The following KIF16B variants were observed in gnomAD, a reference collection of about 807,000 sequenced individuals.
The protein encoded by KIF16B is kinesin-like protein KIF16B.
In KIF16B, 98 loss-of-function variants were observed where a neutral mutation model predicts 156.3. The ratio of observed to expected loss-of-function variants is 0.63; its 90% confidence interval spans 0.53 to 0.74. KIF16B has a LOEUF of 0.74. Ranked by LOEUF, KIF16B falls within the 30% of genes least tolerant of loss-of-function variation. The pLI, the probability that KIF16B is intolerant of heterozygous loss-of-function variation, is 0.00. For missense variants in KIF16B, 1,421 were observed against 1,606.5 expected, an observed-to-expected ratio of 0.88 and a Z score of 1.97; for synonymous variants, 564 against 583.7, an observed-to-expected ratio of 0.97 and a Z score of 0.49.
At chr20:16,442,815 G>A (rs1436702194) in intron 12 of KIF16B, among the ~76,000 whole-genome samples, 1 of 152,060 alleles carries the variant, frequency 6.6e-6, no homozygotes, top group African/African-American at 2.4e-5. Context: ...TATCAGAAGG[G>A]AATTTAGGAA....
At chr20:16,438,825 G>A (rs752522513) in intron 12 of KIF16B, among the ~76,000 whole-genome samples, 4 of 152,090 alleles carry the variant, frequency 2.6e-5, no homozygotes, top group Non-Finnish European at 5.9e-5. Context: ...AACAATACTG[G>A]TAGGCCAGTA....
chr20:16,510,820 A>C (rs2068935007), intron 6 of KIF16B, among the ~76,000 whole-genome samples: 1 of 152,252 alleles, frequency 6.6e-6, no homozygotes, highest in African/African-American at 2.4e-5. Context: ...CGATTCCTGC[A>C]GTCCAGCCAT....
At chr20:16,414,328 A>G (rs956946144) in intron 15 of KIF16B, among the ~76,000 whole-genome samples, 1 of 152,116 alleles carries the variant, frequency 6.6e-6, no homozygotes, top group African/African-American at 2.4e-5. Context: ...AATGACAGGC[A>G]CTCTGCAACA....
intron 12 of KIF16B, among the ~76,000 whole-genome samples, chr20:16,487,434 C>T (rs1482042146): frequency 3.9e-5 from 6 of 152,192 alleles, no homozygotes; most frequent in African/African-American, 1.2e-4. Flanking sequence ...TGAGCAACAG[C>T]CCCAGTTACG....
Position 16,440,531 on chromosome 20 carries a change from GCGCACACACACACA to G in KIF16B, c.1303-10563_1303-10550del, listed in dbSNP as rs1368016050. 7.2e-3 allele frequency among the ~76,000 whole-genome samples: 574 copies of G among 79,502 alleles called. 4 individuals carry two copies. Among genetic ancestry groups the G allele is most frequent in the African/African-American group, 0.027 (548 of 20,584 alleles). The allele number at this position is 79,502 out of a possible 152,430, so 52.2% of individuals were successfully genotyped here. A position where few individuals can be genotyped will look rare whatever the true frequency, so the allele number is the denominator to read the frequency against. On this transcript the variant is annotated intron_variant, in intron 12 of 25. Transcript: ENST00000354981. ...ACCTATGGTTAAAACACACAAGCGCGCGCACACACACACACACACACACACACACACACACACAC... is the reference window on the plus strand; with the variant it reads ...ACCTATGGTTAAAACACACAAGCGCGCACACACACACACACACACACACAC...
chr20:16,512,082 G>A (rs1177098717), intron 5 of KIF16B, among the ~76,000 whole-genome samples: 1 of 152,066 alleles, frequency 6.6e-6, no homozygotes, highest in African/African-American at 2.4e-5. Context: ...GGGAGGTGGA[G>A]GTTGCAATGA....
chr20:16,397,371 T>C (rs2065533420), intron 17 of KIF16B, among the ~76,000 whole-genome samples: 1 of 152,212 alleles, frequency 6.6e-6, no homozygotes, highest in Non-Finnish European at 1.5e-5. Context: ...CCAGAGAGTT[T>C]GAGGTGTGGG....
chr20:16,505,547 C>G (rs562541239), intron 9 of KIF16B, among the ~76,000 whole-genome samples, 175 bp downstream of exon 9: 1 of 152,162 alleles, frequency 6.6e-6, no homozygotes, highest in East Asian at 1.9e-4. Context: ...AATGATGATA[C>G]TATAGACTGG....
intron 13 of KIF16B, 98 bp from the exon 14 acceptor site, chr20:16,429,102 G>A: frequency 1.0e-6 from 1 of 988,820 alleles, no homozygotes; most frequent in Non-Finnish European, 1.6e-6. Flanking sequence ...GTGGCCAATG[G>A]GATGAACAAC....
chr20:16,368,241 G>C, intron 22 of KIF16B: 1 of 1,002,542 alleles, frequency 1.0e-6, no homozygotes, highest in Non-Finnish European at 1.2e-6. Context: ...CATATTCAAG[G>C]CGAAAAACTG....
intron 17 of KIF16B, among the ~76,000 whole-genome samples, chr20:16,385,682 A>C (rs753151819): frequency 3.9e-5 from 6 of 152,278 alleles, no homozygotes; most frequent in Non-Finnish European, 7.4e-5. Context: ...TGAGATGAGA[A>C]GAGCAGTGGG....
chr20:16,394,787 T>A (rs141760880), intron 17 of KIF16B, among the ~76,000 whole-genome samples: 5 of 151,992 alleles, frequency 3.3e-5, no homozygotes, highest in African/African-American at 1.2e-4. Flanking sequence ...AAGAGAAAAG[T>A]GTGCTTGCAA....
chr20:16,311,750 C>T (rs574939956), intron 25 of KIF16B, among the ~76,000 whole-genome samples: 87 of 152,254 alleles, frequency 5.7e-4, no homozygotes, highest in African/African-American at 1.9e-3. Context: ...AAATAAGCAA[C>T]TATATCCCAA....
chr20:16,381,562 C>A (rs913142069), intron 18 of KIF16B, 132 bp downstream of exon 18: 1 of 459,974 alleles, frequency 2.2e-6, no homozygotes, highest in Non-Finnish European at 3.6e-6. Context: ...AGTCATTAGA[C>A]ATGTAAATAA....
At chr20:16,500,278 T>C (rs1465555301) in intron 10 of KIF16B, among the ~76,000 whole-genome samples, 3 of 152,178 alleles carry the variant, frequency 2.0e-5, no homozygotes, top group African/African-American at 4.8e-5. Flanking sequence ...ACAGAAAGCA[T>C]TTGAAACTCT....
intron 25 of KIF16B, among the ~76,000 whole-genome samples, chr20:16,306,533 A>G (rs982934305): frequency 6.6e-6 from 1 of 152,222 alleles, no homozygotes; most frequent in African/African-American, 2.4e-5. Flanking sequence ...GTATTACAGC[A>G]AGAGTTCCGG....
chr20:16,280,841 C>CGCGCGTGTGTGTGTGTGT (rs112026824), intron 25 of KIF16B, among the ~76,000 whole-genome samples: 13 of 74,434 alleles, frequency 1.7e-4, no homozygotes, highest in Middle Eastern at 6.5e-3. Context: ...TGCGCGCGCA[C>CGCGCGTGTGTGTGTGTGT]GTGTGTGTGT....
intron 24 of KIF16B, among the ~76,000 whole-genome samples, chr20:16,333,627 G>A (rs1310751680): frequency 1.3e-5 from 2 of 152,082 alleles, no homozygotes; most frequent in Non-Finnish European, 2.9e-5. Flanking sequence ...CATTTTGCCT[G>A]GTACCAAGTA....
rs2065047759 is a variant in KIF16B at position 16,379,836 on chromosome 20, C to T, written c.2166G>A (p.Glu722=). The T allele has an allele frequency of 6.2e-7, 1 of 1,614,108 alleles. No individual in the cohort carries two copies. The highest frequency in any genetic ancestry group is 1.3e-5 in the African/African-American group (1 of 74,932). The part of the protein sequence containing the change: ...LKELNNNEKA[E]KFQIFQELDQ... Reference sequence around the variant, plus strand: ...CCAGTTCTTGAAATATCTGAAACTTCTCAGCCTTCTCGTTGTTGTTGAGTT... The same window carrying T: ...CCAGTTCTTGAAATATCTGAAACTTTTCAGCCTTCTCGTTGTTGTTGAGTT... Residue 722 remains glutamate (E), a synonymous_variant, in exon 19 of 26, where the codon GAG becomes GAA. Coordinates refer to ENST00000354981, the MANE Select transcript of KIF16B (RefSeq NM_024704.5).
Sources: gnomAD v4.1 joint callset for allele counts (sites outside exome capture counted in the v4.1 genomes callset) on GRCh38, gnomAD v4.1.1 for gene constraint, MANE v1.5 for transcripts, NCBI Gene and HGNC (gene_info 2026-07-23, HGNC 2026-07-21) for gene names.